The following ASH2L variants were observed in gnomAD, a reference collection of about 807,000 sequenced individuals.
The protein encoded by ASH2L is ASH2 like, histone lysine methyltransferase complex subunit.
ASH2L carries 30 observed loss-of-function variants against 81.1 expected under a neutral mutation model. That is an observed-to-expected ratio of 0.37 (90% confidence interval 0.28 to 0.50). ASH2L has a LOEUF of 0.50. Among genes scored for constraint, ASH2L ranks in the 20% least tolerant of loss-of-function variants. The pLI, the probability that ASH2L is intolerant of heterozygous loss-of-function variation, is 0.95. For missense variants in ASH2L, 559 were observed against 792.1 expected (o/e 0.71, Z 3.53); for synonymous variants, 273 against 279.9 (o/e 0.98, Z 0.24).
chr8:38,124,670 T>C (rs1801763279), intron 10 of ASH2L: 1 of 152,268 alleles, frequency 6.6e-6, no homozygotes, highest in South Asian at 2.1e-4. Context: ...TTTTTCTTTC[T>C]GTGGAAGTCA....
rs539113338 is a variant in ASH2L at position 38,132,129 on chromosome 8, G to A, written c.1528-1325G>A. On this transcript the variant is annotated intron_variant, in intron 12 of 15. Transcript: ENST00000343823. ...CCCAAAATGCTGGGATTACAAGCGT[G>A]AGCCACTGCGCTCGGCCACATGTGT... Among the ~76,000 whole-genome samples the A allele has an allele frequency of 2.3e-3, 354 of 152,284 alleles. 1 individual carries two copies. Among genetic ancestry groups the A allele is most frequent in the Non-Finnish European group, 4.1e-3 (281 of 68,018 alleles).
At position 38,139,599 on chromosome 8, in the gene ASH2L, G is replaced by A. The variant is rs541916898; in HGVS notation, c.*528G>A. On this transcript the variant is annotated 3_prime_UTR_variant, in exon 16 of 16. Coordinates refer to ENST00000343823, the MANE Select transcript of ASH2L (RefSeq NM_004674.5). ...TTTGAAATACACTTTTGAACACTGAGATCCGTAAAACTACTAGATCTCTGG... is the reference window on the plus strand; with the variant it reads ...TTTGAAATACACTTTTGAACACTGAAATCCGTAAAACTACTAGATCTCTGG... 2.0e-5 allele frequency: 3 copies of A among 152,694 alleles called. No individual in the cohort carries two copies. The highest frequency in any genetic ancestry group is 7.2e-5 in the African/African-American group (3 of 41,562). 9.5% of individuals were successfully genotyped at this position (152,694 alleles called of 1,614,324 possible). A position where few individuals can be genotyped will look rare whatever the true frequency, so the allele number is the denominator to read the frequency against.
intron 5 of ASH2L, among the ~76,000 whole-genome samples, 186 bp from the exon 6 acceptor site, chr8:38,114,006 T>C (rs1264938312): frequency 1.3e-5 from 2 of 152,196 alleles, no homozygotes; most frequent in African/African-American, 4.8e-5. Context: ...GTGTATTGTG[T>C]GTATGCAATG....
intron 10 of ASH2L, among the ~76,000 whole-genome samples, 184 bp downstream of exon 10, chr8:38,121,333 T>TTA (rs71216649): frequency 2.5e-4 from 15 of 59,656 alleles, no homozygotes; most frequent in South Asian, 7.3e-4. Flanking sequence ...GCCGTTTTAT[T>TTA]TATATATATA....
chr8:38,108,986 G>T (rs575515891), intron 3 of ASH2L, among the ~76,000 whole-genome samples: 1 of 152,060 alleles, frequency 6.6e-6, no homozygotes, highest in South Asian at 2.1e-4. Flanking sequence ...GGAGCTTTAG[G>T]TGGGAGGATT....
chr8:38,129,908 G>T (rs1801988691), intron 12 of ASH2L, among the ~76,000 whole-genome samples: 1 of 152,168 alleles, frequency 6.6e-6, no homozygotes, highest in South Asian at 2.1e-4. Flanking sequence ...GGGCTACTAT[G>T]AGCAAGATGC....
intron 1 of ASH2L, 143 bp downstream of exon 1, chr8:38,105,881 C>G: frequency 6.9e-7 from 1 of 1,442,290 alleles, no homozygotes; most frequent in Non-Finnish European, 9.1e-7. Context: ...GCCGCTTGGC[C>G]CGTCCCCTCT....
intron 12 of ASH2L, among the ~76,000 whole-genome samples, 194 bp downstream of exon 12, chr8:38,129,145 T>C (rs1253797257): frequency 1.3e-5 from 2 of 152,186 alleles, no homozygotes; most frequent in African/African-American, 4.8e-5. Context: ...TACCCATCTA[T>C]CATTTGTCTT....
At chr8:38,136,192 TC>T (rs1247814387) in intron 14 of ASH2L, among the ~76,000 whole-genome samples, 2 of 144,642 alleles carry the variant, frequency 1.4e-5, no homozygotes, top group Non-Finnish European at 3.0e-5. Context: ...GCACAAGTGA[TC>T]CTCCCACCTC....
Position 38,138,803 on chromosome 8 carries a change from G to C in ASH2L, c.1720-13G>C. 6.2e-7 allele frequency: 1 copy of C among 1,611,488 alleles called. No individual in the cohort carries two copies. Among genetic ancestry groups the C allele is most frequent in the Non-Finnish European group, 8.5e-7 (1 of 1,179,154 alleles). ...CATTTTTTCCATGTCTGCTTGAATTGAATTCGCTCCAGGTTTCCATTAACT... is the reference window on the plus strand; with the variant it reads ...CATTTTTTCCATGTCTGCTTGAATTCAATTCGCTCCAGGTTTCCATTAACT... On this transcript the variant is annotated splice_polypyrimidine_tract_variant and intron_variant, in intron 14 of 15. Coordinates refer to ENST00000343823, the MANE Select transcript of ASH2L (RefSeq NM_004674.5).
At position 38,105,550 on chromosome 8, in the gene ASH2L, G is replaced by C. The variant is rs781229092; in HGVS notation, c.-1G>C. 39 of 1,562,944 alleles carry C rather than the reference G, an allele frequency of 2.5e-5. No homozygotes were observed. Among genetic ancestry groups the C allele is most frequent in the Non-Finnish European group, 3.3e-5 (38 of 1,153,040 alleles). The stretch of plus-strand genomic sequence containing the variant: ...TCGCGAGAAGTCCAGGGGTGGCCGT[G>C]ATGGCGGCGGCAGGAGCAGGACCTG... On this transcript the variant is annotated 5_prime_UTR_variant, in exon 1 of 16. Transcript: ENST00000343823.
At chr8:38,133,613 T>TAA in intron 13 of ASH2L, 67 bp downstream of exon 13, 1 of 1,280,888 alleles carries the variant, frequency 7.8e-7, no homozygotes, top group Non-Finnish European at 1.1e-6. Context: ...TCCTTCATTA[T>TAA]AAAAGTGAGG....
At chr8:38,133,640 G>A in intron 13 of ASH2L, 94 bp downstream of exon 13, 1 of 949,626 alleles carries the variant, frequency 1.1e-6, no homozygotes, top group Non-Finnish European at 1.6e-6. Flanking sequence ...AGGCCCAAAG[G>A]GGAATGAAGG....
chr8:38,127,446 C>A (rs1256225636), intron 10 of ASH2L, among the ~76,000 whole-genome samples: 1 of 151,820 alleles, frequency 6.6e-6, no homozygotes, highest in African/African-American at 2.4e-5. Context: ...AATCAGATGT[C>A]TTAAAGTTAA....
At chr8:38,116,534 GA>G (rs1372726498) in intron 7 of ASH2L, 115 bp from the exon 8 acceptor site, 11 of 830,094 alleles carry the variant, frequency 1.3e-5, no homozygotes, top group East Asian at 5.3e-5. Context: ...CCCCATCTCA[GA>G]AAAAAAAGAA....
intron 2 of ASH2L, 144 bp downstream of exon 2, chr8:38,106,588 A>G (rs1296655265): frequency 7.8e-6 from 5 of 644,128 alleles, no homozygotes; most frequent in South Asian, 2.0e-5. Context: ...GCTCACTGCA[A>G]CCTCCTCCCC....
rs563820899 is a variant in ASH2L at position 38,106,254 on chromosome 8, C to A, written c.189-124C>A. The A allele has an allele frequency of 8.6e-4, 1,172 of 1,367,492 alleles. 18 individuals are homozygous for A. In the South Asian group the frequency reaches 0.012, roughly 14 times the overall value. 84.7% of individuals were successfully genotyped at this position (1,367,492 alleles called of 1,614,324 possible). A position where few individuals can be genotyped will look rare whatever the true frequency, so the allele number is the denominator to read the frequency against. On this transcript the variant is annotated intron_variant, in intron 1 of 15. Coordinates refer to ENST00000343823, the MANE Select transcript of ASH2L (RefSeq NM_004674.5). ...GTACCTTGGGCATCCAGTCTGAGAT[C>A]AGGCTTAGCTGAAAAAGCTGCAGGA...
At chr8:38,131,206 T>C (rs1290411593) in intron 12 of ASH2L, among the ~76,000 whole-genome samples, 1 of 152,206 alleles carries the variant, frequency 6.6e-6, no homozygotes, top group Non-Finnish European at 1.5e-5. Context: ...TAGTGACTTA[T>C]TGTACCATCC....
chr8:38,115,070 T>G (rs1810841811), intron 7 of ASH2L, 70 bp downstream of exon 7: 1 of 1,011,794 alleles, frequency 9.9e-7, no homozygotes, highest in South Asian at 1.3e-5. Context: ...AGGTTCTGTT[T>G]ACATTTGTAT....
Sources: gnomAD v4.1 joint callset for allele counts (sites outside exome capture counted in the v4.1 genomes callset) on GRCh38, gnomAD v4.1.1 for gene constraint, MANE v1.5 for transcripts, NCBI Gene and HGNC (gene_info 2026-07-23, HGNC 2026-07-21) for gene names.